TRPC7: variants seen among roughly 807,000 people sequenced by gnomAD.
The protein encoded by TRPC7 is short transient receptor potential channel 7.
Under a neutral mutation model 90.1 loss-of-function variants are expected in TRPC7, and 42 were observed. The ratio of observed to expected loss-of-function variants is 0.47; its 90% CI spans 0.36 to 0.60. The LOEUF is 0.60. TRPC7 is among the 20% of genes least tolerant of loss of function. The pLI is 0.00. For synonymous variants in TRPC7, 451 were observed against 436.3 expected (o/e 1.03, Z -0.42); for missense variants, 955 against 1,112.3 (o/e 0.86, Z 2.01).
intron 3 of TRPC7, among the ~76,000 whole-genome samples, chr5:136,312,268 G>A (rs1450027024): frequency 6.6e-6 from 1 of 152,152 alleles, no homozygotes. Flanking sequence ...ATTTTGGAAG[G>A]AATTTTAGGC....
intron 3 of TRPC7, among the ~76,000 whole-genome samples, chr5:136,294,516 G>A (rs1188586108): frequency 6.6e-6 from 1 of 152,062 alleles, no homozygotes; most frequent in African/African-American, 2.4e-5. Flanking sequence ...AGACATTTAT[G>A]CAGCCAAAAA....
At chr5:136,282,213 G>A (rs551473285) in intron 3 of TRPC7, among the ~76,000 whole-genome samples, 4 of 152,226 alleles carry the variant, frequency 2.6e-5, no homozygotes, top group East Asian at 3.9e-4. Context: ...GATGGAACTG[G>A]GATGGGGTGT....
chr5:136,321,523 A>C (rs1392676284), intron 2 of TRPC7, among the ~76,000 whole-genome samples: 1 of 152,138 alleles, frequency 6.6e-6, no homozygotes, highest in Non-Finnish European at 1.5e-5. Context: ...TCAACACCAA[A>C]CTCATGTCAA....
intron 3 of TRPC7, among the ~76,000 whole-genome samples, chr5:136,287,094 G>A (rs539543872): frequency 3.3e-5 from 5 of 152,182 alleles, no homozygotes; most frequent in African/African-American, 7.2e-5. Context: ...AGCCATGAAC[G>A]CTCGCCTCGC....
chr5:136,365,362 C>T lies in TRPC7; in HGVS notation c.-108G>A. 2 of 1,160,472 alleles carry T rather than the reference C, an allele frequency of 1.7e-6. No individual in the cohort carries two copies. Among genetic ancestry groups the T allele is most frequent in the Non-Finnish European group, 2.5e-6 (2 of 803,600 alleles). The allele number at this position is 1,160,472 out of a possible 1,614,324, so 71.9% of individuals were successfully genotyped here. A position where few individuals can be genotyped will look rare whatever the true frequency, so the allele number is the denominator to read the frequency against. On this transcript the variant is annotated 5_prime_UTR_variant, in exon 1 of 12. Coordinates refer to ENST00000513104, the MANE Select transcript of TRPC7 (RefSeq NM_020389.3). The stretch of plus-strand genomic sequence containing the variant: ...TGGTAGCCAAGGATGTACCGCTCTC[C>T]GTGGTGCTGAAGTATAGAGCTGGTC...
At chr5:136,326,582 G>T (rs1759353967) in intron 2 of TRPC7, among the ~76,000 whole-genome samples, 1 of 152,168 alleles carries the variant, frequency 6.6e-6, no homozygotes. Flanking sequence ...GATGAGAAGA[G>T]ATGGATTAGA....
Position 136,357,140 on chromosome 5 carries a change from T to G in TRPC7, c.248A>C (p.Gln83Pro). 1 of 1,614,164 alleles carries G rather than the reference T, an allele frequency of 6.2e-7. No homozygotes were observed. Among genetic ancestry groups the G allele is most frequent in the African/African-American group, 1.3e-5 (1 of 75,078 alleles). ...TAGGTGCTCGTTGCCCACGGCCAGC[T>G]GCAGAGCGTTCTGCCCCATGTAGTC... ...CVDYMGQNAL[Q>P]LAVGNEHLEV... The change falls in exon 2 of 12, where the codon CAG becomes CCG. Residue 83 changes from glutamine (Q) to proline (P), a missense_variant. Gln to Pro is a moderately conservative substitution (Grantham distance 76, BLOSUM62 -1). Transcript: ENST00000513104.
intron 3 of TRPC7, among the ~76,000 whole-genome samples, chr5:136,301,101 C>T (rs1342781844): frequency 3.3e-5 from 5 of 152,136 alleles, no homozygotes; most frequent in African/African-American, 1.2e-4. Context: ...ATGGTCTCAG[C>T]TCACTGCAAC....
intron 7 of TRPC7, among the ~76,000 whole-genome samples, chr5:136,233,119 G>A (rs1244969483): frequency 6.6e-6 from 1 of 152,140 alleles, no homozygotes; most frequent in Non-Finnish European, 1.5e-5. Context: ...TGTCTACCCA[G>A]CTGTTTGGCT....
chr5:136,226,805 A>G (rs1755645504), intron 8 of TRPC7, among the ~76,000 whole-genome samples: 1 of 152,256 alleles, frequency 6.6e-6, no homozygotes, highest in Non-Finnish European at 1.5e-5. Context: ...AGTAGATCAA[A>G]AATATCATTT....
chr5:136,322,659 A>G (rs1759235274), intron 2 of TRPC7, among the ~76,000 whole-genome samples: 1 of 152,168 alleles, frequency 6.6e-6, no homozygotes, highest in Non-Finnish European at 1.5e-5. Context: ...GCAGGCAACT[A>G]TGCCCTGCAT....
intron 9 of TRPC7, 107 bp downstream of exon 9, chr5:136,225,927 C>G (rs1318553666): frequency 1.1e-6 from 1 of 914,422 alleles, no homozygotes; most frequent in Non-Finnish European, 1.7e-6. Context: ...GCTCCTGGCT[C>G]CCCTTGCATG....
rs778454416 is a variant in TRPC7, at chr5:136,315,656, C to T, written c.904G>A (p.Asp302Asn). Reference protein sequence around the residue: ...NGDVNFQVWSDHHRPSLSRIK... With the variant: ...NGDVNFQVWSNHHRPSLSRIK... Reference sequence around the variant, plus strand: ...CGGCTCAGACTTGGACGGTGGTGGTCGGACCAGACTTGGAAGTTCACATCA... The same window carrying T: ...CGGCTCAGACTTGGACGGTGGTGGTTGGACCAGACTTGGAAGTTCACATCA... The change falls in exon 3 of 12, where the codon GAC (aspartate) becomes AAC (asparagine). Residue 302 changes from aspartate to asparagine, a missense_variant. Transcript: ENST00000513104. 6.2e-6 allele frequency: 10 copies of T among 1,613,842 alleles called. No homozygotes were observed. In the Admixed American group the frequency reaches 8.3e-5, roughly 13 times the overall value.
intron 10 of TRPC7, among the ~76,000 whole-genome samples, chr5:136,217,137 G>A (rs902963365): frequency 1.3e-5 from 2 of 152,206 alleles, no homozygotes; most frequent in Admixed American, 6.5e-5. Context: ...TCCAAGAGAT[G>A]AGCAGTGTGG....
intron 2 of TRPC7, among the ~76,000 whole-genome samples, chr5:136,329,469 A>T (rs1003581589): frequency 3.3e-5 from 5 of 152,228 alleles, no homozygotes; most frequent in Admixed American, 6.5e-5. Flanking sequence ...TGAGTTTCGG[A>T]TATCACGGGG....
chr5:136,273,602 C>T (rs371616021), intron 4 of TRPC7, among the ~76,000 whole-genome samples: 4 of 152,140 alleles, frequency 2.6e-5, no homozygotes, highest in East Asian at 3.9e-4. Flanking sequence ...TCGCAGCTGT[C>T]ATTCTGGTAT....
At chr5:136,337,663 C>CAAAAAA (rs55856709) in intron 2 of TRPC7, among the ~76,000 whole-genome samples, 1 of 121,636 alleles carries the variant, frequency 8.2e-6, no homozygotes, top group Non-Finnish European at 1.7e-5. Context: ...GAGACTCCAT[C>CAAAAAA]AAAAAAAAAA....
At chr5:136,277,089 G>A (rs574788140) in intron 3 of TRPC7, among the ~76,000 whole-genome samples, 56 of 152,362 alleles carry the variant, frequency 3.7e-4, no homozygotes, top group African/African-American at 1.3e-3. Flanking sequence ...CTTCTTGTCT[G>A]TATCTAGGAG....
intron 1 of TRPC7, among the ~76,000 whole-genome samples, chr5:136,358,359 T>C (rs141466721): frequency 6.6e-6 from 1 of 152,354 alleles, no homozygotes; most frequent in East Asian, 1.9e-4. Context: ...TAACATTTAT[T>C]AAGCACCTAA....
Sources: gnomAD v4.1 joint callset for allele counts (sites outside exome capture counted in the v4.1 genomes callset) on GRCh38, gnomAD v4.1.1 for gene constraint, MANE v1.5 for transcripts, NCBI Gene and HGNC (gene_info 2026-07-23, HGNC 2026-07-21) for gene names.